Variants in TIAM2 observed in about 807,000 individuals in gnomAD.
The protein encoded by TIAM2 is TIAM Rac1 associated GEF 2.
In TIAM2, 80 loss-of-function variants were observed where a neutral mutation model predicts 152.9. The ratio of observed to expected loss-of-function variants is 0.52; its 90% confidence interval spans 0.44 to 0.63. TIAM2 has a LOEUF of 0.63. Among genes scored for constraint, TIAM2 ranks in the 30% least tolerant of loss-of-function variants. The pLI, the probability that TIAM2 is intolerant of heterozygous loss-of-function variation, is 0.00. For missense variants in TIAM2, 1,965 were observed against 2,120.1 expected (o/e 0.93, Z 1.44); for synonymous variants, 804 against 838.0 (o/e 0.96, Z 0.70).
At chr6:154,997,629 ATTTTTTTTTTTTTT>A (rs57280691) in intron 1 of TIAM2, among the ~76,000 whole-genome samples, 10 of 62,110 alleles carry the variant, frequency 1.6e-4, no homozygotes, top group South Asian at 7.9e-4. Flanking sequence ...GAAAGAATGG[ATTTTTTTTTTTTTT>A]TTTTTTTTTT....
rs1313594614 is a variant in TIAM2 at position 155,029,443 on chromosome 6, C to CTATATATTATATATAATA, written c.-209+33955_-209+33956insTATTATATATAATATATA. On this transcript the variant is annotated intron_variant, in intron 1 of 26. Transcript: ENST00000682666. The stretch of plus-strand genomic sequence containing the variant: ...TATATATACTATAGTATATATTATA[C>CTATATATTATATATAATA]TATAGTATATATTATATATAATATA... Among the ~76,000 whole-genome samples the CTATATATTATATATAATA allele has an allele frequency of 3.2e-3, 21 of 6,656 alleles. 1 individual carries two copies. The highest frequency in any genetic ancestry group is 0.023 in the East Asian group (1 of 44). The allele number at this position is 6,656 out of a possible 152,430, so 4.4% of individuals were successfully genotyped here. A position where few individuals can be genotyped will look rare whatever the true frequency, so the allele number is the denominator to read the frequency against.
chr6:155,130,983 G>A (rs1003229922), intron 4 of TIAM2, among the ~76,000 whole-genome samples: 2 of 152,144 alleles, frequency 1.3e-5, no homozygotes, highest in East Asian at 3.9e-4. Context: ...TTTTGGGGAG[G>A]GGGGAAACAA....
chr6:155,054,855 T>G (rs7774757), intron 1 of TIAM2, among the ~76,000 whole-genome samples: 53,152 of 152,048 alleles, frequency 0.35, 9,582 homozygotes, highest in Middle Eastern at 0.41. Context: ...TATTTGAGTT[T>G]TTATGACATT....
intron 15 of TIAM2, among the ~76,000 whole-genome samples, chr6:155,227,474 C>G (rs1240626385): frequency 1.3e-5 from 2 of 152,224 alleles, no homozygotes; most frequent in African/African-American, 4.8e-5. Flanking sequence ...TAGGCAGTGA[C>G]TGTACCACGG....
intron 1 of TIAM2, among the ~76,000 whole-genome samples, chr6:155,078,527 C>G (rs1379656281): frequency 6.6e-6 from 1 of 152,220 alleles, no homozygotes; most frequent in African/African-American, 2.4e-5. Flanking sequence ...TTCACCCATG[C>G]TGTCCTCCTT....
At chr6:155,104,894 G>A (rs1359151303) in intron 2 of TIAM2, among the ~76,000 whole-genome samples, 1 of 152,190 alleles carries the variant, frequency 6.6e-6, no homozygotes, top group Non-Finnish European at 1.5e-5. Flanking sequence ...AGGAATTAAA[G>A]GCTTATCTGT....
intron 1 of TIAM2, among the ~76,000 whole-genome samples, chr6:155,018,360 G>T (rs1778635522): frequency 6.6e-6 from 1 of 151,860 alleles, no homozygotes; most frequent in Non-Finnish European, 1.5e-5. Flanking sequence ...TACAGGCCAG[G>T]TGCAGTGGCT....
intron 1 of TIAM2, among the ~76,000 whole-genome samples, chr6:155,047,681 AGAGAGAGGAGAGAGAGAGAGAGAGC>A (rs1777211385): frequency 3.3e-5 from 1 of 30,430 alleles, no homozygotes; most frequent in South Asian, 9.6e-4. Context: ...AGAGAGAGAG[AGAGAGAGGAGAGAGAGAGAGAGAGC>A]GAGAGAGAGA....
rs531094584 is a variant in TIAM2, at chr6:155,058,613, CA to C, written c.-208-31673del. ...ATGTAACAGTATTCCATTAAATCCT[CA>C]AACAACTCTTTACCTTAAGTCTCTT... is the stretch of plus-strand genomic sequence containing the variant. On this transcript the variant is annotated intron_variant, in intron 1 of 26. Coordinates refer to ENST00000682666, the MANE Select transcript of TIAM2 (RefSeq NM_012454.4). Among the ~76,000 whole-genome samples, 52 of 152,274 alleles carry C rather than the reference CA, an allele frequency of 3.4e-4. 1 individual carries two copies. Among genetic ancestry groups the C allele is most frequent in the Non-Finnish European group, 6.6e-4 (45 of 68,024 alleles).
At chr6:155,221,496 T>C (rs1583259067) in intron 15 of TIAM2, among the ~76,000 whole-genome samples, 1 of 152,178 alleles carries the variant, frequency 6.6e-6, no homozygotes, top group African/African-American at 2.4e-5. Flanking sequence ...TTTCTCTCCA[T>C]TGAAACAGCG....
At chr6:155,108,156 T>G (rs1035494251) in intron 2 of TIAM2, among the ~76,000 whole-genome samples, 2 of 152,206 alleles carry the variant, frequency 1.3e-5, no homozygotes, top group African/African-American at 4.8e-5. Flanking sequence ...TATGAGGTTA[T>G]GAATTATTTT....
intron 1 of TIAM2, among the ~76,000 whole-genome samples, chr6:155,089,238 G>GA (rs1778241866): frequency 6.6e-6 from 1 of 151,410 alleles, no homozygotes; most frequent in African/African-American, 2.4e-5. Context: ...GGGGTGTGGG[G>GA]GGATGGAGTC....
chr6:155,029,497 T>C lies in TIAM2; in HGVS notation c.-209+34005T>C, dbSNP rs1200749832. Among the ~76,000 whole-genome samples, 39 of 24,480 alleles carry C rather than the reference T, an allele frequency of 1.6e-3. 9 individuals carry two copies. Among genetic ancestry groups the C allele is most frequent in the African/African-American group, 5.7e-3 (32 of 5,604 alleles). The allele number at this position is 24,480 out of a possible 152,430, so 16.1% of individuals were successfully genotyped here. ...TATAGTATATATACTATAGTATATA[T>C]TATATATAATATATACTATATATTA... On this transcript the variant is annotated intron_variant, in intron 1 of 26. Coordinates refer to ENST00000682666, the MANE Select transcript of TIAM2 (RefSeq NM_012454.4).
rs1405383138 is a variant in TIAM2 at position 155,176,930 on chromosome 6, A to T, written c.2476A>T (p.Ile826Phe). 1 of 1,613,916 alleles carries T rather than the reference A, an allele frequency of 6.2e-7. No individual in the cohort carries two copies. The highest frequency in any genetic ancestry group is 2.2e-5 in the East Asian group (1 of 44,898). Residue 826 changes from isoleucine to phenylalanine, a missense_variant, in exon 10 of 27, where the codon ATC becomes TTC. Ile to Phe is a conservative substitution (Grantham distance 21). Transcript: ENST00000682666. Reference sequence around the variant, plus strand: ...GGACAATCACGGAGTTACTGTAGGGATCAAGCCAGAGCACAGAGTAGAAGA... The same window carrying T: ...GGACAATCACGGAGTTACTGTAGGGTTCAAGCCAGAGCACAGAGTAGAAGA... ...FQDNHGVTVGIKPEHRVEDIL... is the reference protein window; with the variant it reads ...FQDNHGVTVGFKPEHRVEDIL...
chr6:155,250,900 T>A lies in TIAM2; in HGVS notation c.3952-13T>A, dbSNP rs748401331. 6.2e-7 allele frequency: 1 copy of A among 1,613,352 alleles called. No individual in the cohort carries two copies. The highest frequency in any genetic ancestry group is 1.7e-5 in the Admixed American group (1 of 60,020). On this transcript the variant is annotated splice_polypyrimidine_tract_variant and intron_variant, in intron 21 of 26. Coordinates refer to ENST00000682666, the MANE Select transcript of TIAM2 (RefSeq NM_012454.4). ...TTTCCGTATCTTCCTTACCTCCTGT[T>A]TTTACAATCTAGGTAACAGAACTTT...
At chr6:155,201,604 G>C (rs1405460039) in intron 14 of TIAM2, among the ~76,000 whole-genome samples, 1 of 152,220 alleles carries the variant, frequency 6.6e-6, no homozygotes, top group African/African-American at 2.4e-5. Context: ...CACTGCCATA[G>C]CCTGCCTGGC....
Position 155,148,338 on chromosome 6 carries a change from C to T in TIAM2, c.2028+4C>T. The T allele has an allele frequency of 6.2e-7, 1 of 1,610,114 alleles. No individual in the cohort carries two copies. The highest frequency in any genetic ancestry group is 8.5e-7 in the Non-Finnish European group (1 of 1,179,040). ...CAGGAAAGCCATAGAGAACCAGGTA[C>T]TGTTTGTCTACACCTGAGTTTTCTT... On this transcript the variant is annotated splice_donor_region_variant and intron_variant, in intron 7 of 26. Coordinates refer to ENST00000682666, the MANE Select transcript of TIAM2 (RefSeq NM_012454.4).
At chr6:155,066,312 C>T (rs1320909642) in intron 1 of TIAM2, among the ~76,000 whole-genome samples, 1 of 152,206 alleles carries the variant, frequency 6.6e-6, no homozygotes, top group Admixed American at 6.5e-5. Flanking sequence ...TTTTGCTCAT[C>T]TCTGTCAGGC....
chr6:155,164,861 A>G (rs538104397), intron 8 of TIAM2, among the ~76,000 whole-genome samples: 1 of 152,276 alleles, frequency 6.6e-6, no homozygotes, highest in South Asian at 2.1e-4. Context: ...CTTTCTGTGT[A>G]TTCCACCATC....
Sources: allele counts gnomAD v4.1 joint callset (sites outside exome capture counted in the v4.1 genomes callset), GRCh38; gene constraint gnomAD v4.1.1; transcripts MANE v1.5; gene names NCBI Gene and HGNC (gene_info 2026-07-23, HGNC 2026-07-21).